Variants in CDYL observed in about 807,000 individuals in gnomAD.
CDYL encodes chromodomain Y like, also known as chromodomain Y-like protein.
CDYL carries 8 observed loss-of-function variants against 47.3 expected under a neutral mutation model. That is an observed-to-expected ratio of 0.17 (90% confidence interval 0.10 to 0.31). CDYL has a LOEUF of 0.31. Among genes scored for constraint, CDYL ranks in the 10% least tolerant of loss-of-function variants. CDYL has a pLI of 1.00. For missense variants in CDYL, 471 were observed against 701.4 expected (o/e 0.67, Z 3.71); for synonymous variants, 266 against 265.0 (o/e 1.00, Z -0.04).
At chr6:4,863,923 C>T (rs1447967251) in intron 1 of CDYL, among the ~76,000 whole-genome samples, 1 of 152,166 alleles carries the variant, frequency 6.6e-6, no homozygotes, top group Non-Finnish European at 1.5e-5. Context: ...ATAAGATCCT[C>T]AAGTTGAAAC....
intron 3 of CDYL, 23 bp from the exon 4 acceptor site, chr6:4,937,542 C>T: frequency 6.6e-7 from 1 of 1,509,896 alleles, no homozygotes; most frequent in Non-Finnish European, 8.9e-7. Flanking sequence ...TTCTTTGCCA[C>T]TTTAACTTCT....
intron 1 of CDYL, among the ~76,000 whole-genome samples, chr6:4,797,428 T>A (rs1472212366): frequency 8.0e-6 from 1 of 124,462 alleles, no homozygotes; most frequent in Admixed American, 7.4e-5. Context: ...TTTTCATTTC[T>A]TTTTTTTTTT....
At chr6:4,830,622 C>T (rs887501748) in intron 1 of CDYL, among the ~76,000 whole-genome samples, 17 of 151,814 alleles carry the variant, frequency 1.1e-4, no homozygotes, top group Admixed American at 3.3e-4. Context: ...CATTATTATA[C>T]TTTAAGTTTT....
intron 1 of CDYL, chr6:4,836,303 C>G: frequency 1.0e-6 from 1 of 976,196 alleles, no homozygotes; most frequent in Non-Finnish European, 1.2e-6. Flanking sequence ...TGCATAGAAC[C>G]AAAAAGTGAG....
chr6:4,911,496 C>T (rs1021927548), intron 2 of CDYL, among the ~76,000 whole-genome samples: 7 of 152,062 alleles, frequency 4.6e-5, no homozygotes, highest in Admixed American at 4.6e-4. Flanking sequence ...AAAATGTGTC[C>T]GCACCACTTT....
intron 1 of CDYL, among the ~76,000 whole-genome samples, chr6:4,868,138 CTT>C (rs1027783568): frequency 4.0e-5 from 6 of 151,638 alleles, no homozygotes; most frequent in African/African-American, 1.5e-4. Context: ...TGTTTCCTCT[CTT>C]CTGCTTGCTT....
intron 3 of CDYL, among the ~76,000 whole-genome samples, chr6:4,750,529 T>C (rs1757971622): frequency 6.6e-6 from 1 of 152,056 alleles, no homozygotes; most frequent in Non-Finnish European, 1.5e-5. Context: ...TAGCTGGGAA[T>C]GGTGGCACAT....
At chr6:4,800,920 T>A (rs1374528909) in intron 1 of CDYL, among the ~76,000 whole-genome samples, 1 of 152,226 alleles carries the variant, frequency 6.6e-6, no homozygotes, top group African/African-American at 2.4e-5. Flanking sequence ...AAGTTTTGTT[T>A]GTGTTATTCT....
At chr6:4,726,994 A>G (rs1220126735) in intron 2 of CDYL, among the ~76,000 whole-genome samples, 4 of 152,168 alleles carry the variant, frequency 2.6e-5, no homozygotes, top group African/African-American at 9.7e-5. Context: ...TAGTCTCCCC[A>G]CCCTCAAACT....
chr6:4,817,910 T>G (rs1265183657), intron 1 of CDYL, among the ~76,000 whole-genome samples: 1 of 152,248 alleles, frequency 6.6e-6, no homozygotes, highest in African/African-American at 2.4e-5. Flanking sequence ...CAACTAAAGT[T>G]GTATTTTGTC....
chr6:4,740,690 A>C (rs1757782106), intron 3 of CDYL, among the ~76,000 whole-genome samples: 1 of 152,096 alleles, frequency 6.6e-6, no homozygotes, highest in African/African-American at 2.4e-5. Flanking sequence ...AGTGTGGGTG[A>C]TAGAGCTGCT....
chr6:4,823,627 A>G (rs1188029302), intron 1 of CDYL, among the ~76,000 whole-genome samples: 1 of 152,136 alleles, frequency 6.6e-6, no homozygotes, highest in African/African-American at 2.4e-5. Context: ...AACATTTGCC[A>G]TTATAACCAT....
intron 2 of CDYL, among the ~76,000 whole-genome samples, chr6:4,719,341 G>A (rs10458178): frequency 0.13 from 19,520 of 152,144 alleles, 1,536 homozygotes; most frequent in African/African-American, 0.23. Flanking sequence ...TTACTAGGTC[G>A]AAAGATGTGG....
intron 1 of CDYL, among the ~76,000 whole-genome samples, chr6:4,852,806 CT>C (rs528608801): frequency 2.0e-4 from 29 of 146,644 alleles, no homozygotes; most frequent in South Asian, 2.2e-4. Flanking sequence ...TTTCTTTGTT[CT>C]TTTTTTTTTG....
intron 1 of CDYL, among the ~76,000 whole-genome samples, chr6:4,808,968 C>G (rs987143480): frequency 2.0e-5 from 3 of 152,244 alleles, no homozygotes; most frequent in African/African-American, 7.2e-5. Context: ...GATGTGGCTT[C>G]CAAGCGTGAG....
chr6:4,731,549 C>A (rs1757605521), intron 2 of CDYL, among the ~76,000 whole-genome samples: 2 of 152,166 alleles, frequency 1.3e-5, no homozygotes, highest in African/African-American at 4.8e-5. Flanking sequence ...GTAATCCCAG[C>A]ATTTTGGGAG....
rs1326045432 is a variant in CDYL, at chr6:4,777,033, G to C, written c.24+226G>C. ...TTGCCGGGCGTGGGGTGGGGGGGGG[G>C]GTCCCAGCCGTGGGGAAGTGGTGCT... On this transcript the variant is annotated intron_variant, in intron 1 of 6. Transcript: ENST00000397588. Among the ~76,000 whole-genome samples the C allele has an allele frequency of 5.4e-5, 8 of 149,098 alleles. No individual in the cohort carries two copies. In the East Asian group the frequency reaches 1.2e-3, roughly 22 times the overall value.
At chr6:4,921,861 G>C (rs1368653790) in intron 2 of CDYL, among the ~76,000 whole-genome samples, 4 of 152,072 alleles carry the variant, frequency 2.6e-5, no homozygotes, top group Non-Finnish European at 5.9e-5. Context: ...CAAAGCACTT[G>C]AGAGTCAGTT....
chr6:4,791,881 GA>G (rs1246136450), intron 1 of CDYL, among the ~76,000 whole-genome samples: 1 of 137,714 alleles, frequency 7.3e-6, no homozygotes, highest in African/African-American at 3.0e-5. Context: ...AGGAATTGTA[GA>G]ATTTTTTTTT....
Sources: allele counts gnomAD v4.1 joint callset (sites outside exome capture counted in the v4.1 genomes callset), GRCh38; gene constraint gnomAD v4.1.1; transcripts MANE v1.5; gene names NCBI Gene and HGNC (gene_info 2026-07-23, HGNC 2026-07-21).